ZNF609: variants seen among roughly 807,000 people sequenced by gnomAD.
ZNF609 encodes the protein zinc finger protein 609.
A neutral mutation model predicts 109.5 loss-of-function variants in ZNF609; 11 were observed. That is an observed-to-expected ratio of 0.10 (90% confidence interval 0.06 to 0.17). The LOEUF is 0.17. ZNF609 is among the 10% of genes least tolerant of loss of function. ZNF609 has a pLI of 1.00. For missense variants in ZNF609, 1,559 were observed against 1,772.4 expected (o/e 0.88, Z 2.16); for synonymous variants, 646 against 662.0 (o/e 0.98, Z 0.37).
In ZNF609 at chr15:64,674,557, A is replaced by C; in HGVS notation, c.1703A>C (p.Lys568Thr). The change falls in exon 5 of 10, where the codon AAA becomes ACA. Residue 568 changes from lysine (K) to threonine (T), a missense_variant. Lys to Thr is a moderately conservative substitution (Grantham distance 78, BLOSUM62 -1). This residue lies in a region of ZNF609 where 1,204 missense variants were observed against 1,314.1 expected (regional missense o/e 0.92). Coordinates refer to ENST00000326648, the MANE Select transcript of ZNF609 (RefSeq NM_015042.2). ...SLSPARSATPKVRLVEPHSPS... is the reference protein window; with the variant it reads ...SLSPARSATPTVRLVEPHSPS... ...TCCCCTGCCCGCTCAGCTACCCCCA[A>C]AGTTCGACTTGTAGAGCCCCATAGC... 6.2e-7 allele frequency: 1 copy of C among 1,613,976 alleles called. No individual in the cohort carries two copies. The highest frequency in any genetic ancestry group is 8.5e-7 in the Non-Finnish European group (1 of 1,179,984).
At chr15:64,656,216 A>G (rs1896485338) in intron 3 of ZNF609, among the ~76,000 whole-genome samples, 1 of 151,974 alleles carries the variant, frequency 6.6e-6, no homozygotes, top group Admixed American at 6.6e-5. Flanking sequence ...AGCACCCACC[A>G]TCACACCCAG....
chr15:64,583,401 G>A (rs1895145016), intron 2 of ZNF609, among the ~76,000 whole-genome samples: 1 of 151,860 alleles, frequency 6.6e-6, no homozygotes, highest in Admixed American at 6.6e-5. Context: ...AGTGAGATAC[G>A]ATAGTCCTGT....
intron 2 of ZNF609, among the ~76,000 whole-genome samples, chr15:64,614,074 C>T (rs567116989): frequency 2.6e-5 from 4 of 151,876 alleles, no homozygotes; most frequent in South Asian, 4.2e-4. Flanking sequence ...CCCACCACCA[C>T]GCCTGACTAA....
intron 2 of ZNF609, among the ~76,000 whole-genome samples, chr15:64,571,696 G>A (rs1367249108): frequency 6.6e-6 from 1 of 152,014 alleles, no homozygotes; most frequent in Non-Finnish European, 1.5e-5. Context: ...GTCTCACTCT[G>A]TCACCCAGGA....
rs891910611 is a variant in ZNF609, at chr15:64,559,035, T to C, written c.747+58869T>C. ...ACTTTTTAGTGTCTGAGAGATATCA[T>C]GCCTTTGCAGTTAAATTCTCTTCTG... On this transcript the variant is annotated intron_variant, in intron 2 of 9. Transcript: ENST00000326648. Among the ~76,000 whole-genome samples the C allele has an allele frequency of 8.5e-5, 13 of 152,258 alleles. No individual in the cohort carries two copies. The South Asian group carries it at 1.0e-3, about 12-fold the overall frequency.
intron 2 of ZNF609, among the ~76,000 whole-genome samples, chr15:64,602,015 A>G (rs556577849): frequency 6.6e-6 from 1 of 152,290 alleles, no homozygotes; most frequent in African/African-American, 2.4e-5. Context: ...CAAAAAAGCT[A>G]TCATTTACTT....
Position 64,678,250 on chromosome 15 carries a change from C to T in ZNF609, c.3537C>T (p.Pro1179=). The T allele has an allele frequency of 1.2e-6, 2 of 1,614,120 alleles. No homozygotes were observed. The highest frequency in any genetic ancestry group is 1.7e-6 in the Non-Finnish European group (2 of 1,180,020). ...GGAGTCGGAGTAAGGACTCTGTCCC[C>T]AAGGAAGATGGGAAGGAAAGCACAA... ...EERSRSKDSV[P]KEDGKESTSS... The change falls in exon 6 of 10, where the codon CCC becomes CCT. Residue 1179 remains proline (P), a synonymous_variant. Coordinates refer to ENST00000326648, the MANE Select transcript of ZNF609 (RefSeq NM_015042.2).
At chr15:64,518,675 G>T (rs1893848496) in intron 2 of ZNF609, among the ~76,000 whole-genome samples, 1 of 152,170 alleles carries the variant, frequency 6.6e-6, no homozygotes, top group Non-Finnish European at 1.5e-5. Flanking sequence ...GACCAGAATA[G>T]TATTAATAGG....
At chr15:64,679,976 CAG>C (rs2141019758) in intron 6 of ZNF609, among the ~76,000 whole-genome samples, 1 of 152,284 alleles carries the variant, frequency 6.6e-6, no homozygotes, top group Non-Finnish European at 1.5e-5. Flanking sequence ...AAGCAGGAAA[CAG>C]GGCCATGTTC....
chr15:64,624,637 C>T (rs1315666232), intron 3 of ZNF609, among the ~76,000 whole-genome samples: 4 of 151,906 alleles, frequency 2.6e-5, no homozygotes, highest in African/African-American at 7.3e-5. Flanking sequence ...CTGAGGATCC[C>T]TTCCTGCCAG....
intron 2 of ZNF609, among the ~76,000 whole-genome samples, chr15:64,595,510 G>T (rs1895381245): frequency 6.6e-6 from 1 of 152,204 alleles, no homozygotes; most frequent in South Asian, 2.1e-4. Context: ...CGTACATCAG[G>T]TCATGTGTGA....
At position 64,674,959 on chromosome 15, in the gene ZNF609, A is replaced by G; in HGVS notation, c.2105A>G (p.Lys702Arg). ...GCCATGCCCAACAGTCCCCAACTCA[A>G]GCCCATTCAGCCCAAGCCCACTGTT... is the stretch of plus-strand genomic sequence containing the variant. ...AQAMPNSPQLKPIQPKPTVMG... is the reference protein window; with the variant it reads ...AQAMPNSPQLRPIQPKPTVMG... Residue 702 changes from lysine (K) to arginine (R), a missense_variant, in exon 5 of 10, where the codon AAG becomes AGG. Around this residue, in one of 4 missense-constraint regions of ZNF609, gnomAD observed 1,204 missense variants for 1,314.1 expected, o/e 0.92. Coordinates refer to ENST00000326648, the MANE Select transcript of ZNF609 (RefSeq NM_015042.2). 6.2e-7 allele frequency: 1 copy of G among 1,614,082 alleles called. No individual in the cohort carries two copies. The highest frequency in any genetic ancestry group is 8.5e-7 in the Non-Finnish European group (1 of 1,180,030).
At chr15:64,616,445 T>C (rs944046251) in intron 2 of ZNF609, among the ~76,000 whole-genome samples, 1 of 151,448 alleles carries the variant, frequency 6.6e-6, no homozygotes, top group African/African-American at 2.4e-5. Context: ...CTCTATTCTC[T>C]CAAGTCCCCA....
At chr15:64,541,301 C>T (rs1380917590) in intron 2 of ZNF609, among the ~76,000 whole-genome samples, 2 of 150,184 alleles carry the variant, frequency 1.3e-5, no homozygotes, top group African/African-American at 4.9e-5. Flanking sequence ...GTGTCGGGCG[C>T]CTGTAGTCCC....
chr15:64,587,056 C>G (rs1025871814), intron 2 of ZNF609, among the ~76,000 whole-genome samples: 2 of 152,268 alleles, frequency 1.3e-5, no homozygotes, highest in Middle Eastern at 3.4e-3. Flanking sequence ...AAGGAAAATG[C>G]TTTGCTGTTT....
At chr15:64,643,102 C>A (rs144601082) in intron 3 of ZNF609, among the ~76,000 whole-genome samples, 57 of 152,288 alleles carry the variant, frequency 3.7e-4, no homozygotes, top group African/African-American at 1.3e-3. Context: ...TACCAGAGAT[C>A]AGCTGTGGGA....
intron 2 of ZNF609, chr15:64,502,182 G>C (rs369374585): frequency 5.9e-5 from 9 of 152,230 alleles, no homozygotes; most frequent in African/African-American, 2.2e-4. Context: ...TTGCTATACA[G>C]TTTCATGTAA....
chr15:64,656,046 A>T (rs1210764555), intron 3 of ZNF609, among the ~76,000 whole-genome samples: 1 of 152,026 alleles, frequency 6.6e-6, no homozygotes, highest in African/African-American at 2.4e-5. Flanking sequence ...CACTCAGTCA[A>T]AAGTTTTTAC....
chr15:64,653,652 AAAT>A (rs1567040086), intron 3 of ZNF609, among the ~76,000 whole-genome samples: 1 of 147,616 alleles, frequency 6.8e-6, no homozygotes, highest in African/African-American at 2.7e-5. Flanking sequence ...TCTCCAAAAA[AAAT>A]AAATAAATAA....
Sources: allele counts gnomAD v4.1 joint callset (sites outside exome capture counted in the v4.1 genomes callset), GRCh38; gene constraint gnomAD v4.1.1; regional missense constraint gnomAD v4.1.1; transcripts MANE v1.5; gene names NCBI Gene and HGNC (gene_info 2026-07-23, HGNC 2026-07-21).